The following KCND2 variants were observed in gnomAD, a reference collection of about 807,000 sequenced individuals.
The protein encoded by KCND2 is potassium voltage-gated channel subfamily D member 2, also known as A-type voltage-gated potassium channel KCND2.
KCND2 carries 16 observed loss-of-function variants against 54.4 expected under a neutral mutation model. The ratio of observed to expected loss-of-function variants is 0.29; its 90% CI spans 0.20 to 0.45. The LOEUF (loss-of-function observed/expected upper bound fraction) is 0.45, where lower values mean the gene tolerates loss of function less well. Ranked by LOEUF, KCND2 falls within the 20% of genes least tolerant of loss-of-function variation. The probability of loss-of-function intolerance (pLI) is 1.00; values close to 1 mark genes in which losing one functional copy is unlikely to be tolerated. For synonymous variants in KCND2, 317 were observed against 310.7 expected, an observed-to-expected ratio of 1.02 and a Z score of -0.21; for missense variants, 486 against 824.2, an observed-to-expected ratio of 0.59 and a Z score of 5.02.
intron 1 of KCND2, among the ~76,000 whole-genome samples, chr7:120,318,181 G>A (rs2116325888): frequency 6.6e-6 from 1 of 152,248 alleles, no homozygotes; most frequent in East Asian, 1.9e-4. Flanking sequence ...CAACACTAGA[G>A]TTAGAATGCA....
intron 1 of KCND2, among the ~76,000 whole-genome samples, chr7:120,516,348 G>A (rs1480791498): frequency 7.2e-5 from 11 of 152,004 alleles, no homozygotes; most frequent in Admixed American, 1.3e-4. Flanking sequence ...TTTATTATCT[G>A]TCCATATAAT....
chr7:120,332,595 T>G (rs1448569739), intron 1 of KCND2, among the ~76,000 whole-genome samples: 1 of 152,104 alleles, frequency 6.6e-6, no homozygotes, highest in Non-Finnish European at 1.5e-5. Context: ...TCTTAAATGC[T>G]TCGCTGAATG....
intron 4 of KCND2, among the ~76,000 whole-genome samples, chr7:120,744,857 T>C (rs1792986337): frequency 6.6e-6 from 1 of 152,180 alleles, no homozygotes; most frequent in African/African-American, 2.4e-5. Flanking sequence ...TTGAGGTCAT[T>C]CTCTAGTAGT....
At chr7:120,505,835 C>A (rs1265592221) in intron 1 of KCND2, among the ~76,000 whole-genome samples, 1 of 151,748 alleles carries the variant, frequency 6.6e-6, no homozygotes, top group East Asian at 1.9e-4. Context: ...ATTTTACATA[C>A]CATTATGTGG....
chr7:120,606,928 C>T (rs1328637963), intron 1 of KCND2, among the ~76,000 whole-genome samples: 1 of 152,066 alleles, frequency 6.6e-6, no homozygotes, highest in Non-Finnish European at 1.5e-5. Context: ...TCCATTTCTG[C>T]AGCAACAGTA....
intron 1 of KCND2, among the ~76,000 whole-genome samples, chr7:120,533,263 T>C (rs1791863912): frequency 6.6e-6 from 1 of 152,104 alleles, no homozygotes; most frequent in Non-Finnish European, 1.5e-5. Flanking sequence ...TACATTATGA[T>C]CTTTAGACAT....
At chr7:120,523,688 TACAC>T (rs1331055851) in intron 1 of KCND2, among the ~76,000 whole-genome samples, 4 of 136,560 alleles carry the variant, frequency 2.9e-5, no homozygotes, top group Middle Eastern at 3.6e-3. Context: ...TACACAGATA[TACAC>T]ACACACACAC....
chr7:120,721,597 T>C (rs1792666442), intron 1 of KCND2, among the ~76,000 whole-genome samples: 1 of 150,756 alleles, frequency 6.6e-6, no homozygotes, highest in African/African-American at 2.5e-5. Context: ...CTGGCTGTCT[T>C]TGGGAGGTTA....
chr7:120,553,413 T>A (rs961769759), intron 1 of KCND2, among the ~76,000 whole-genome samples: 2 of 152,248 alleles, frequency 1.3e-5, no homozygotes, highest in Non-Finnish European at 2.9e-5. Context: ...CACATTTTTC[T>A]TATCCATTCA....
intron 1 of KCND2, among the ~76,000 whole-genome samples, chr7:120,353,132 ACT>A (rs1491547808): frequency 1.1e-4 from 8 of 75,036 alleles, no homozygotes; most frequent in African/African-American, 3.1e-4. Context: ...AAATACTTTT[ACT>A]TTTTTTTTTT....
intron 2 of KCND2, among the ~76,000 whole-genome samples, chr7:120,737,946 C>T (rs1297344534): frequency 6.6e-6 from 1 of 151,918 alleles, no homozygotes; most frequent in Non-Finnish European, 1.5e-5. Flanking sequence ...CATACCTCAT[C>T]TAGAAATGAC....
Position 120,384,279 on chromosome 7 carries a change from G to A in KCND2, c.1115+108532G>A, listed in dbSNP as rs115875364. 8.7e-3 allele frequency among the ~76,000 whole-genome samples: 1,319 copies of A among 152,022 alleles called. 16 individuals are homozygous for A. Among genetic ancestry groups the A allele is most frequent in the African/African-American group, 0.03 (1,249 of 41,456 alleles). On this transcript the variant is annotated intron_variant, in intron 1 of 5. Coordinates refer to ENST00000331113, the MANE Select transcript of KCND2 (RefSeq NM_012281.3). ...GTGGAACCTGGACAGAGGGCTGACT[G>A]CAAGTTATATCTAAGAAGTTATACA...
intron 1 of KCND2, among the ~76,000 whole-genome samples, chr7:120,456,635 G>A (rs903106688): frequency 6.6e-6 from 1 of 152,160 alleles, no homozygotes; most frequent in Admixed American, 6.5e-5. Flanking sequence ...GTATAAAGCA[G>A]CACAGTAAAA....
chr7:120,320,507 T>C (rs369347570), intron 1 of KCND2, among the ~76,000 whole-genome samples: 1 of 152,256 alleles, frequency 6.6e-6, no homozygotes, highest in East Asian at 1.9e-4. Context: ...GGAAAAGGCC[T>C]TTCCACTCTA....
intron 1 of KCND2, among the ~76,000 whole-genome samples, chr7:120,663,841 A>T (rs1193800567): frequency 6.6e-6 from 1 of 152,214 alleles, no homozygotes; most frequent in African/African-American, 2.4e-5. Flanking sequence ...CCTATCTTTG[A>T]AGAAACTCCA....
intron 1 of KCND2, among the ~76,000 whole-genome samples, chr7:120,521,025 C>G (rs1250016159): frequency 6.6e-6 from 1 of 151,968 alleles, no homozygotes; most frequent in Non-Finnish European, 1.5e-5. Flanking sequence ...CAGGACCAAC[C>G]CTGGATGCAA....
At chr7:120,288,176 C>G (rs1799375936) in intron 1 of KCND2, among the ~76,000 whole-genome samples, 1 of 151,902 alleles carries the variant, frequency 6.6e-6, no homozygotes, top group African/African-American at 2.4e-5. Context: ...AGATAATCGA[C>G]CAATTGGTTG....
chr7:120,467,715 C>G (rs1861064), intron 1 of KCND2, among the ~76,000 whole-genome samples: 25,950 of 152,016 alleles, frequency 0.17, 2,725 homozygotes, highest in African/African-American at 0.29. Context: ...TTGTTTACTC[C>G]TTTTTGTCAT....
intron 1 of KCND2, among the ~76,000 whole-genome samples, chr7:120,289,924 G>A (rs1799409182): frequency 1.3e-5 from 2 of 152,060 alleles, no homozygotes; most frequent in African/African-American, 4.8e-5. Context: ...ATTTTAATAA[G>A]TAGTTTCGAA....
Sources: allele counts gnomAD v4.1 joint callset (sites outside exome capture counted in the v4.1 genomes callset), GRCh38; gene constraint gnomAD v4.1.1; transcripts MANE v1.5; gene names NCBI Gene and HGNC (gene_info 2026-07-23, HGNC 2026-07-21).